The following ARHGAP15 variants were observed in gnomAD, a reference collection of about 807,000 sequenced individuals.
ARHGAP15 encodes Rho GTPase activating protein 15, also known as rho GTPase-activating protein 15.
Under a neutral mutation model 63.7 loss-of-function variants are expected in ARHGAP15, and 51 were observed. The ratio of observed to expected loss-of-function variants is 0.80; its 90% CI spans 0.64 to 1.01. The LOEUF is 1.01. Ranked by LOEUF, ARHGAP15 falls within the 50% of genes least tolerant of loss-of-function variation. The pLI is 0.00. For synonymous variants in ARHGAP15, 191 were observed against 193.8 expected, an observed-to-expected ratio of 0.99 and a Z score of 0.12; for missense variants, 560 against 564.6, an observed-to-expected ratio of 0.99 and a Z score of 0.08.
At chr2:143,716,766 A>G (rs563687872) in intron 13 of ARHGAP15, among the ~76,000 whole-genome samples, 10 of 152,370 alleles carry the variant, frequency 6.6e-5, no homozygotes, top group African/African-American at 1.9e-4. Context: ...GGAAGAAGGA[A>G]TGGTAAAACA....
At chr2:143,214,179 A>G (rs1165094193) in intron 3 of ARHGAP15, among the ~76,000 whole-genome samples, 1 of 152,200 alleles carries the variant, frequency 6.6e-6, no homozygotes, top group African/African-American at 2.4e-5. Flanking sequence ...TTTAGCAGAG[A>G]ACGCATGCAT....
At chr2:143,720,458 A>G (rs564710385) in intron 13 of ARHGAP15, among the ~76,000 whole-genome samples, 3 of 152,306 alleles carry the variant, frequency 2.0e-5, no homozygotes, top group African/African-American at 7.2e-5. Context: ...CTCGCAACCG[A>G]GACTCCATCA....
intron 6 of ARHGAP15, among the ~76,000 whole-genome samples, chr2:143,292,299 T>A (rs985540122): frequency 6.6e-6 from 1 of 152,158 alleles, no homozygotes; most frequent in African/African-American, 2.4e-5. Context: ...CTGCTTTTTT[T>A]TAGTTAATTA....
chr2:143,636,924 G>C (rs1229658760), intron 12 of ARHGAP15, among the ~76,000 whole-genome samples: 1 of 152,120 alleles, frequency 6.6e-6, no homozygotes, highest in Admixed American at 6.5e-5. Flanking sequence ...AGCATGGTCA[G>C]TTCCTGGTGA....
intron 9 of ARHGAP15, among the ~76,000 whole-genome samples, chr2:143,508,184 C>G (rs946593029): frequency 6.6e-6 from 1 of 152,156 alleles, no homozygotes; most frequent in Non-Finnish European, 1.5e-5. Flanking sequence ...TTGTTCACAC[C>G]ACTCCAGCCA....
intron 11 of ARHGAP15, chr2:143,606,955 A>G (rs1328874471): frequency 6.6e-6 from 1 of 152,264 alleles, no homozygotes; most frequent in East Asian, 1.9e-4. Flanking sequence ...AAGGTACATT[A>G]TATTACATTT....
intron 10 of ARHGAP15, chr2:143,533,186 G>A (rs745662145): frequency 2.0e-5 from 3 of 152,180 alleles, no homozygotes; most frequent in Non-Finnish European, 4.4e-5. Flanking sequence ...TTCACTTGTT[G>A]AATGTTGAAA....
At chr2:143,201,939 A>C (rs1238700853) in intron 2 of ARHGAP15, among the ~76,000 whole-genome samples, 195 bp from the exon 3 acceptor site, 1 of 152,128 alleles carries the variant, frequency 6.6e-6, no homozygotes, top group Non-Finnish European at 1.5e-5. Context: ...ATTGGGTTTG[A>C]GATATGCTTG....
chr2:143,720,254 T>A (rs1684989285), intron 13 of ARHGAP15, among the ~76,000 whole-genome samples: 1 of 152,086 alleles, frequency 6.6e-6, no homozygotes, highest in Admixed American at 6.6e-5. Context: ...CAGTTTAGTA[T>A]AAGAAGTGAA....
At chr2:143,679,100 T>C (rs1054026597) in intron 12 of ARHGAP15, among the ~76,000 whole-genome samples, 5 of 151,410 alleles carry the variant, frequency 3.3e-5, no homozygotes, top group African/African-American at 9.7e-5. Context: ...ATAAATGCTA[T>C]CAGAATAGGT....
intron 6 of ARHGAP15, among the ~76,000 whole-genome samples, chr2:143,397,969 A>G (rs1028731404): frequency 1.3e-5 from 2 of 151,996 alleles, no homozygotes; most frequent in African/African-American, 4.8e-5. Context: ...GTAGACTCTC[A>G]TCATTAACTC....
intron 6 of ARHGAP15, among the ~76,000 whole-genome samples, chr2:143,397,329 T>C (rs1687809038): frequency 6.7e-6 from 1 of 148,360 alleles, no homozygotes; most frequent in Non-Finnish European, 1.5e-5. Context: ...TGTGTGTGTG[T>C]GTGTGTGTGT....
At chr2:143,746,844 A>G (rs1199740220) in intron 13 of ARHGAP15, among the ~76,000 whole-genome samples, 4 of 152,192 alleles carry the variant, frequency 2.6e-5, no homozygotes, top group African/African-American at 9.6e-5. Flanking sequence ...GACATGCTTA[A>G]ATATGTTTTT....
chr2:143,574,478 A>T, intron 11 of ARHGAP15, among the ~76,000 whole-genome samples: 1 of 152,040 alleles, frequency 6.6e-6, no homozygotes, highest in Non-Finnish European at 1.5e-5. Context: ...AACTTAAAGT[A>T]TAATAATAAT....
intron 13 of ARHGAP15, among the ~76,000 whole-genome samples, chr2:143,765,815 G>A (rs1686929410): frequency 1.3e-5 from 2 of 152,130 alleles, no homozygotes; most frequent in Admixed American, 1.3e-4. Context: ...GTCTGGGTCA[G>A]TGTCAGCTTG....
chr2:143,592,273 T>C (rs1697350780), intron 11 of ARHGAP15, among the ~76,000 whole-genome samples: 1 of 152,250 alleles, frequency 6.6e-6, no homozygotes, highest in South Asian at 2.1e-4. Flanking sequence ...AGCATCATTT[T>C]GGAAAATCTC....
rs369037446 is a variant in ARHGAP15 at position 143,435,741 on chromosome 2, T to C, written c.573+42T>C. 5 of 1,571,532 alleles carry C rather than the reference T, an allele frequency of 3.2e-6. No homozygotes were observed. The African/African-American group carries it at 4.1e-5, about 13-fold the overall frequency. On this transcript the variant is annotated intron_variant, in intron 7 of 13. Transcript: ENST00000295095. Reference sequence around the variant, plus strand: ...GCTGTTACCTTTATTAATTAAAATGTAGTCATTTAAATCTTATTGCTCAGG... The same window carrying C: ...GCTGTTACCTTTATTAATTAAAATGCAGTCATTTAAATCTTATTGCTCAGG...
intron 6 of ARHGAP15, among the ~76,000 whole-genome samples, chr2:143,293,567 G>A (rs1002485156): frequency 5.3e-5 from 8 of 151,918 alleles, no homozygotes; most frequent in African/African-American, 1.9e-4. Flanking sequence ...TTTCGGCAGA[G>A]GATAGATTAA....
chr2:143,331,297 C>G (rs1298909038), intron 6 of ARHGAP15, among the ~76,000 whole-genome samples: 2 of 152,102 alleles, frequency 1.3e-5, no homozygotes. Flanking sequence ...TTGCTCCGAT[C>G]GCTCTTCTTC....
Sources: gnomAD v4.1 joint callset for allele counts (sites outside exome capture counted in the v4.1 genomes callset) on GRCh38, gnomAD v4.1.1 for gene constraint, MANE v1.5 for transcripts, NCBI Gene and HGNC (gene_info 2026-07-23, HGNC 2026-07-21) for gene names.